NPSR1: variants seen among roughly 807,000 people sequenced by gnomAD.
The protein encoded by NPSR1 is neuropeptide S receptor.
A neutral mutation model predicts 46.9 loss-of-function variants in NPSR1; 48 were observed. The observed-to-expected ratio is 1.02, with a 90% CI of 0.81 to 1.30. The LOEUF (loss-of-function observed/expected upper bound fraction) is 1.30. Ranked by LOEUF, NPSR1 falls within the 50% of genes most tolerant of loss-of-function variation. The probability of loss-of-function intolerance (pLI) is 0.00; values close to 1 mark genes in which losing one functional copy is unlikely to be tolerated. For missense variants in NPSR1, 450 were observed against 449.5 expected, an observed-to-expected ratio of 1.00 and a Z score of -0.01; for synonymous variants, 176 against 168.1, an observed-to-expected ratio of 1.05 and a Z score of -0.36.
At chr7:34,830,007 G>T (rs983179133) in intron 5 of NPSR1, among the ~76,000 whole-genome samples, 1 of 152,184 alleles carries the variant, frequency 6.6e-6, no homozygotes, top group Non-Finnish European at 1.5e-5. Context: ...GCTCCCTGCT[G>T]CTGAAGAAAC....
intron 4 of NPSR1, among the ~76,000 whole-genome samples, chr7:34,820,021 G>A (rs2128753270): frequency 6.6e-6 from 1 of 152,264 alleles, no homozygotes; most frequent in East Asian, 1.9e-4. Context: ...GTATACCTAT[G>A]TATCCAACCT....
intron 2 of NPSR1, among the ~76,000 whole-genome samples, chr7:34,739,354 T>A (rs1461311590): frequency 2.0e-5 from 3 of 152,246 alleles, no homozygotes; most frequent in Non-Finnish European, 4.4e-5. Context: ...TATATTCTCA[T>A]CAGCAATGTA....
At chr7:34,731,286 C>T (rs1784406193) in intron 2 of NPSR1, among the ~76,000 whole-genome samples, 1 of 151,858 alleles carries the variant, frequency 6.6e-6, no homozygotes, top group South Asian at 2.1e-4. Flanking sequence ...AATATAGGAA[C>T]AAGTAAGATA....
rs190030023 is a variant in NPSR1 at position 34,790,420 on chromosome 7, A to G, written c.384+11855A>G. On this transcript the variant is annotated intron_variant, in intron 3 of 8. Transcript: ENST00000360581. ...CAAGTCCACTGCTAACATCACAGTC[A>G]ACAGTGGTAAACTAAAAGCTTTTCT... 3.9e-5 allele frequency among the ~76,000 whole-genome samples: 6 copies of G among 152,134 alleles called. No homozygotes were observed. In the East Asian group the frequency reaches 9.6e-4, roughly 24 times the overall value.
chr7:34,740,486 T>C (rs1399778809), intron 2 of NPSR1, among the ~76,000 whole-genome samples: 1 of 151,914 alleles, frequency 6.6e-6, no homozygotes. Flanking sequence ...TGTAGCCTTT[T>C]CCCAGTGCCT....
intron 6 of NPSR1, among the ~76,000 whole-genome samples, chr7:34,839,880 C>T (rs557492057): frequency 3.3e-5 from 5 of 152,102 alleles, no homozygotes; most frequent in Non-Finnish European, 5.9e-5. Flanking sequence ...CTCTTCCCAG[C>T]GTCCCTTAGG....
At chr7:34,868,947 A>G (rs1236190333) in intron 8 of NPSR1, among the ~76,000 whole-genome samples, 1 of 151,724 alleles carries the variant, frequency 6.6e-6, no homozygotes, top group Non-Finnish European at 1.5e-5. Context: ...CTTGCAGAAG[A>G]CAGGACTTCA....
intron 4 of NPSR1, 42 bp from the exon 5 acceptor site, chr7:34,827,359 G>T (rs1292302909): frequency 6.3e-7 from 1 of 1,579,840 alleles, no homozygotes; most frequent in Non-Finnish European, 8.7e-7. Context: ...TCCCAAAAAT[G>T]GTTGCCACAT....
In NPSR1 at chr7:34,830,266, G is replaced by A. The variant is rs141122601; in HGVS notation, c.680+2664G>A. Among the ~76,000 whole-genome samples, 670 of 152,194 alleles carry A rather than the reference G, an allele frequency of 4.4e-3. 3 individuals are homozygous for A. Among genetic ancestry groups the A allele is most frequent in the African/African-American group, 0.015 (638 of 41,520 alleles). ...CTTCATTTCAAGCTTAAATAGACAA[G>A]GAAAACAGCTCAAGGAAAGTGTTCA... On this transcript the variant is annotated intron_variant, in intron 5 of 8. Transcript: ENST00000360581.
In NPSR1 at chr7:34,681,724, T is replaced by C. The variant is rs74607457; in HGVS notation, c.148-2828T>C. On this transcript the variant is annotated intron_variant, in intron 1 of 8. Transcript: ENST00000360581. ...CTTTAACTCTAGCGTTGAAGTGCCA[T>C]ATTCAATGAGCACAGTTCTGGAAAG... is the stretch of plus-strand genomic sequence containing the variant. Among the ~76,000 whole-genome samples, 4 of 152,250 alleles carry C rather than the reference T, an allele frequency of 2.6e-5. No individual in the cohort carries two copies. In the East Asian group the frequency reaches 7.7e-4, roughly 29 times the overall value.
intron 8 of NPSR1, among the ~76,000 whole-genome samples, chr7:34,867,862 C>A (rs1226585459): frequency 6.6e-6 from 1 of 151,798 alleles, no homozygotes; most frequent in Non-Finnish European, 1.5e-5. Flanking sequence ...AGGAGGAACT[C>A]CAAAATCTGT....
intron 3 of NPSR1, among the ~76,000 whole-genome samples, chr7:34,784,858 A>G (rs1042352333): frequency 5.9e-5 from 9 of 152,086 alleles, no homozygotes; most frequent in Non-Finnish European, 1.0e-4. Context: ...TTAGAATGGC[A>G]ATCATTAAAA....
At chr7:34,823,240 A>T (rs1484242078) in intron 4 of NPSR1, among the ~76,000 whole-genome samples, 1 of 151,964 alleles carries the variant, frequency 6.6e-6, no homozygotes, top group Non-Finnish European at 1.5e-5. Flanking sequence ...AAAAAATACA[A>T]AAATTAGCTG....
rs1790849895 is a variant in NPSR1 at position 34,849,182 on chromosome 7, A to G, written c.1026-383A>G. 2.8e-5 allele frequency: 18 copies of G among 643,156 alleles called. No individual in the cohort carries two copies. The South Asian group carries it at 3.1e-4, about 11-fold the overall frequency. 39.8% of individuals were successfully genotyped at this position (643,156 alleles called of 1,614,324 possible). On this transcript the variant is annotated intron_variant, in intron 8 of 8. Coordinates refer to ENST00000360581, the MANE Select transcript of NPSR1 (RefSeq NM_207172.2). ...GTAGGTGGAGAATTCCATAGGAGAT[A>G]CAAGAGGAGAATGATTTAAGTCTTG... is the stretch of plus-strand genomic sequence containing the variant.
intron 2 of NPSR1, among the ~76,000 whole-genome samples, chr7:34,724,983 C>T (rs534624150): frequency 2.7e-4 from 41 of 152,080 alleles, no homozygotes; most frequent in African/African-American, 8.9e-4. Flanking sequence ...CGGTAATAGA[C>T]AGCAAAGTGT....
At chr7:34,791,087 TATATATATTATATATAATATGTTATATA>T (rs1236318095) in intron 3 of NPSR1, among the ~76,000 whole-genome samples, 2 of 112,474 alleles carry the variant, frequency 1.8e-5, no homozygotes, top group Admixed American at 9.8e-5. Context: ...TGTTATATGT[TATATATATTATATATAATATGTTATATA>T]ATATAATATA....
intron 2 of NPSR1, among the ~76,000 whole-genome samples, chr7:34,720,483 CAT>C (rs1783800846): frequency 6.6e-6 from 1 of 152,034 alleles, no homozygotes; most frequent in Admixed American, 6.6e-5. Flanking sequence ...TAGGGGCAGA[CAT>C]AAGATATGAT....
chr7:34,676,381 G>C (rs1792317260), intron 1 of NPSR1, among the ~76,000 whole-genome samples: 1 of 152,186 alleles, frequency 6.6e-6, no homozygotes, highest in Non-Finnish European at 1.5e-5. Context: ...ACTGAGTCCA[G>C]GTCAGGTTGC....
At chr7:34,858,871 G>T (rs535567808) in intron 8 of NPSR1, among the ~76,000 whole-genome samples, 1 of 151,808 alleles carries the variant, frequency 6.6e-6, no homozygotes, top group Admixed American at 6.5e-5. Flanking sequence ...CTGGGGGGGG[G>T]ACACAGATCC....
Sources: allele counts gnomAD v4.1 joint callset (sites outside exome capture counted in the v4.1 genomes callset), GRCh38; gene constraint gnomAD v4.1.1; transcripts MANE v1.5; gene names NCBI Gene and HGNC (gene_info 2026-07-23, HGNC 2026-07-21).